OTUD7A: variants seen among roughly 807,000 people sequenced by gnomAD.
OTUD7A encodes the protein OTU deubiquitinase 7A.
A neutral mutation model predicts 65.7 loss-of-function variants in OTUD7A; 12 were observed. The ratio of observed to expected loss-of-function variants is 0.18; its 90% CI spans 0.12 to 0.30. OTUD7A has a LOEUF of 0.30. Among genes scored for constraint, OTUD7A ranks in the 10% least tolerant of loss-of-function variants. The pLI, the probability that OTUD7A is intolerant of heterozygous loss-of-function variation, is 1.00. For missense variants in OTUD7A, 1,148 were observed against 1,304.8 expected (o/e 0.88, Z 1.85); for synonymous variants, 641 against 586.3 (o/e 1.09, Z -1.35).
intron 1 of OTUD7A, among the ~76,000 whole-genome samples, chr15:31,729,182 T>A (rs1309061014): frequency 6.6e-6 from 1 of 152,192 alleles, no homozygotes; most frequent in Non-Finnish European, 1.5e-5. Flanking sequence ...ATATATAGGG[T>A]TTGGTACTAG....
intron 1 of OTUD7A, among the ~76,000 whole-genome samples, chr15:31,673,912 T>C (rs1281253349): frequency 6.6e-6 from 1 of 152,218 alleles, no homozygotes; most frequent in Non-Finnish European, 1.5e-5. Context: ...TCATGTTTTA[T>C]TTGTCTTAAC....
chr15:31,645,374 T>C (rs938654590), intron 3 of OTUD7A, among the ~76,000 whole-genome samples: 2 of 152,206 alleles, frequency 1.3e-5, no homozygotes, highest in African/African-American at 2.4e-5. Flanking sequence ...CCTGGTGCTG[T>C]CTGTTTTAAA....
rs528558298 is a variant in OTUD7A at position 31,752,140 on chromosome 15, C to T, written c.-99-95063G>A. Among the ~76,000 whole-genome samples the T allele has an allele frequency of 5.9e-5, 9 of 152,166 alleles. No individual in the cohort carries two copies. In the East Asian group the frequency reaches 1.7e-3, roughly 29 times the overall value. On this transcript the variant is annotated intron_variant, in intron 1 of 12. Coordinates refer to ENST00000307050, the MANE Select transcript of OTUD7A (RefSeq NM_001382637.1). ...AGAACTCCAGGTACCTACAGTGATG[C>T]TTTGATTCAATGTATATGTTGAATC...
intron 3 of OTUD7A, among the ~76,000 whole-genome samples, chr15:31,620,042 T>C (rs983625299): frequency 6.6e-6 from 1 of 152,216 alleles, no homozygotes; most frequent in Admixed American, 6.5e-5. Context: ...TTTTTGTCTT[T>C]GGTTCTGTTT....
intron 10 of OTUD7A, among the ~76,000 whole-genome samples, chr15:31,488,725 G>A (rs2041274995): frequency 6.6e-6 from 1 of 152,218 alleles, no homozygotes; most frequent in African/African-American, 2.4e-5. Context: ...ACCAATAGTT[G>A]ATTTGGTAAG....
At chr15:31,741,473 T>C (rs1483267662) in intron 1 of OTUD7A, among the ~76,000 whole-genome samples, 1 of 152,188 alleles carries the variant, frequency 6.6e-6, no homozygotes, top group Non-Finnish European at 1.5e-5. Flanking sequence ...TACATGGATA[T>C]TCACTTTATT....
At chr15:31,520,063 T>G (rs1307827298) in intron 8 of OTUD7A, among the ~76,000 whole-genome samples, 1 of 152,202 alleles carries the variant, frequency 6.6e-6, no homozygotes, top group Non-Finnish European at 1.5e-5. Flanking sequence ...AATGACTATA[T>G]TGCTACAGTA....
chr15:31,476,386 T>C lies in OTUD7A; in HGVS notation c.*6908A>G, dbSNP rs1332975795. On this transcript the variant is annotated 3_prime_UTR_variant, in exon 13 of 13. Transcript: ENST00000307050. ...ATCATTCCGTATCAGGTGTTTGGAT[T>C]CCATTCCTGCAAGCGGGAAGAATGT... 6.6e-6 allele frequency: 1 copy of C among 152,226 alleles called. No individual in the cohort carries two copies. The highest frequency in any genetic ancestry group is 2.4e-5 in the African/African-American group (1 of 41,430). 9.4% of individuals were successfully genotyped at this position (152,226 alleles called of 1,614,324 possible).
At chr15:31,719,222 C>T (rs1332583830) in intron 1 of OTUD7A, among the ~76,000 whole-genome samples, 1 of 152,148 alleles carries the variant, frequency 6.6e-6, no homozygotes, top group Non-Finnish European at 1.5e-5. Context: ...GGATCACAGG[C>T]GTGCACCACC....
intron 3 of OTUD7A, among the ~76,000 whole-genome samples, chr15:31,624,378 C>A (rs1170685973): frequency 6.6e-6 from 1 of 152,164 alleles, no homozygotes; most frequent in Non-Finnish European, 1.5e-5. Context: ...AAGGAGTCAC[C>A]ATGACTAGTT....
At chr15:31,807,060 C>A (rs1896288646) in intron 1 of OTUD7A, among the ~76,000 whole-genome samples, 1 of 152,362 alleles carries the variant, frequency 6.6e-6, no homozygotes, top group African/African-American at 2.4e-5. Flanking sequence ...AGCCTCTGGG[C>A]TATTTCAATT....
rs144635894 is a variant in OTUD7A at position 31,500,366 on chromosome 15, G to C, written c.1171+1324C>G. 1.7e-3 allele frequency among the ~76,000 whole-genome samples: 254 copies of C among 152,354 alleles called. 2 individuals carry two copies. Among genetic ancestry groups the C allele is most frequent in the African/African-American group, 5.9e-3 (246 of 41,558 alleles). Reference sequence around the variant, plus strand: ...ACCATGATGTGACATTCTTGTCACGGCCGGCTGTAGCCTCCAGTCGTCTCT... The same window carrying C: ...ACCATGATGTGACATTCTTGTCACGCCCGGCTGTAGCCTCCAGTCGTCTCT... On this transcript the variant is annotated intron_variant, in intron 10 of 12. Transcript: ENST00000307050.
intron 1 of OTUD7A, among the ~76,000 whole-genome samples, chr15:31,841,862 GC>G (rs1260882654): frequency 6.6e-6 from 1 of 152,088 alleles, no homozygotes; most frequent in African/African-American, 2.4e-5. Flanking sequence ...CTGCATACCT[GC>G]CACCCAGCAA....
intron 8 of OTUD7A, among the ~76,000 whole-genome samples, chr15:31,509,866 G>A (rs8039680): frequency 0.73 from 109,852 of 150,542 alleles, 40,173 homozygotes; most frequent in East Asian, 0.84. Context: ...TAATTTTACC[G>A]TGTCTTTCTT....
At chr15:31,591,091 G>A (rs1247215016) in intron 3 of OTUD7A, among the ~76,000 whole-genome samples, 1 of 152,114 alleles carries the variant, frequency 6.6e-6, no homozygotes, top group Non-Finnish European at 1.5e-5. Context: ...CTATTTGTGA[G>A]CGAGGAGTGG....
At chr15:31,649,068 G>A (rs1891759680) in intron 3 of OTUD7A, among the ~76,000 whole-genome samples, 2 of 152,188 alleles carry the variant, frequency 1.3e-5, no homozygotes, top group Admixed American at 1.3e-4. Flanking sequence ...GCCTCTTCCT[G>A]CCTGTAAAAA....
intron 1 of OTUD7A, among the ~76,000 whole-genome samples, chr15:31,844,144 C>T (rs896619988): frequency 1.3e-5 from 2 of 152,168 alleles, no homozygotes; most frequent in African/African-American, 4.8e-5. Flanking sequence ...TTCTCTGTGC[C>T]TTTTGACCTC....
At chr15:31,816,851 T>G (rs142647788) in intron 1 of OTUD7A, among the ~76,000 whole-genome samples, 1 of 152,246 alleles carries the variant, frequency 6.6e-6, no homozygotes, top group East Asian at 1.9e-4. Context: ...CACTCATGCC[T>G]GCGTGTCCCA....
chr15:31,737,716 A>G (rs1894229566), intron 1 of OTUD7A, among the ~76,000 whole-genome samples: 1 of 152,258 alleles, frequency 6.6e-6, no homozygotes, highest in Non-Finnish European at 1.5e-5. Flanking sequence ...GGAGAAAGTC[A>G]GCATGCTTCT....
Sources: gnomAD v4.1 joint callset for allele counts (sites outside exome capture counted in the v4.1 genomes callset) on GRCh38, gnomAD v4.1.1 for gene constraint, MANE v1.5 for transcripts, NCBI Gene and HGNC (gene_info 2026-07-23, HGNC 2026-07-21) for gene names.